METTL15: variants seen among roughly 807,000 people sequenced by gnomAD.
The protein encoded by METTL15 is 12S rRNA N(4)-cytidine methyltransferase METTL15.
METTL15 carries 34 observed loss-of-function variants against 38.3 expected under a neutral mutation model. That is an observed-to-expected ratio of 0.89 (90% CI 0.68 to 1.18). The LOEUF is 1.18. Among genes scored for constraint, METTL15 ranks in the 50% most tolerant of loss-of-function variants. METTL15 has a pLI of 0.00. For synonymous variants in METTL15, 162 were observed against 170.9 expected, an observed-to-expected ratio of 0.95 and a Z score of 0.41; for missense variants, 438 against 498.4, an observed-to-expected ratio of 0.88 and a Z score of 1.15.
intron 6 of METTL15, among the ~76,000 whole-genome samples, chr11:28,507,428 G>A (rs1376269084): frequency 6.6e-6 from 1 of 151,990 alleles, no homozygotes; most frequent in East Asian, 1.9e-4. Flanking sequence ...CCTCCCACCA[G>A]GCCCCTCCTC....
intron 5 of METTL15, among the ~76,000 whole-genome samples, chr11:28,292,886 G>T (rs1475748862): frequency 2.0e-5 from 3 of 152,236 alleles, no homozygotes; most frequent in South Asian, 4.2e-4. Context: ...CGTATCCTTT[G>T]CCCACTTGTT....
At chr11:28,503,994 A>G (rs1160765743) in intron 6 of METTL15, among the ~76,000 whole-genome samples, 1 of 150,954 alleles carries the variant, frequency 6.6e-6, no homozygotes, top group Non-Finnish European at 1.5e-5. Context: ...TCAGGAGTTC[A>G]AGACCAGCCT....
At chr11:28,248,972 T>G (rs10835297) in intron 4 of METTL15, among the ~76,000 whole-genome samples, 13,355 of 151,996 alleles carry the variant, frequency 0.088, 1,039 homozygotes, top group East Asian at 0.36. Context: ...TATTTCTCTC[T>G]TTTACTTTCT....
chr11:28,217,235 C>G (rs941930447), intron 4 of METTL15, among the ~76,000 whole-genome samples: 6 of 151,470 alleles, frequency 4.0e-5, no homozygotes, highest in African/African-American at 1.2e-4. Flanking sequence ...TGTTTCCTGA[C>G]TTTTTAATGA....
chr11:28,512,595 T>TGGGGCTGGC (rs1002919901), intron 6 of METTL15, among the ~76,000 whole-genome samples: 7 of 152,186 alleles, frequency 4.6e-5, no homozygotes, highest in Non-Finnish European at 1.0e-4. Flanking sequence ...CCTCATTGCC[T>TGGGGCTGGC]GGGGCTGGCA....
At chr11:28,301,330 A>G (rs182636849) in intron 6 of METTL15, among the ~76,000 whole-genome samples, 1 of 152,108 alleles carries the variant, frequency 6.6e-6, no homozygotes, top group Non-Finnish European at 1.5e-5. Flanking sequence ...TTTAGAGCTC[A>G]GTTGAAATGC....
intron 6 of METTL15, among the ~76,000 whole-genome samples, chr11:28,487,017 G>A (rs1052428499): frequency 1.3e-5 from 2 of 152,054 alleles, no homozygotes; most frequent in African/African-American, 4.8e-5. Context: ...AAAAAATACA[G>A]TGCCATTTTC....
intron 5 of METTL15, among the ~76,000 whole-genome samples, chr11:28,292,997 C>T (rs1288848410): frequency 1.3e-5 from 2 of 152,084 alleles, no homozygotes; most frequent in East Asian, 3.9e-4. Flanking sequence ...TTCTGCCATT[C>T]TGTAGGTTGC....
chr11:28,374,293 A>G (rs1449044264), intron 5 of METTL15, among the ~76,000 whole-genome samples: 3 of 152,178 alleles, frequency 2.0e-5, no homozygotes, highest in Non-Finnish European at 4.4e-5. Context: ...CTTCCTACCC[A>G]TGAGCATGGA....
chr11:28,315,652 C>T (rs962535708), intron 6 of METTL15, among the ~76,000 whole-genome samples: 6 of 152,344 alleles, frequency 3.9e-5, no homozygotes, highest in Middle Eastern at 6.8e-3. Context: ...TGTCAGAGGT[C>T]TTCACAGCAG....
At chr11:28,365,501 A>G (rs185027976) in intron 5 of METTL15, among the ~76,000 whole-genome samples, 155 of 152,156 alleles carry the variant, frequency 1.0e-3, no homozygotes, top group Middle Eastern at 3.4e-3. Context: ...TTGTATTTCT[A>G]TGGGATTGGC....
chr11:28,505,712 T>C (rs142740684), intron 6 of METTL15, among the ~76,000 whole-genome samples: 35 of 152,322 alleles, frequency 2.3e-4, no homozygotes, highest in African/African-American at 7.7e-4. Context: ...TGCTGGTACA[T>C]GTTGGATACT....
chr11:28,377,152 C>T (rs959670669), intron 5 of METTL15, among the ~76,000 whole-genome samples: 2 of 147,100 alleles, frequency 1.4e-5, no homozygotes, highest in Admixed American at 7.1e-5. Context: ...AGTTGCTCTT[C>T]TCAAGGAGTA....
intron 5 of METTL15, among the ~76,000 whole-genome samples, chr11:28,377,879 G>A (rs1944592413): frequency 1.3e-5 from 2 of 151,948 alleles, no homozygotes; most frequent in Non-Finnish European, 2.9e-5. Flanking sequence ...CTAACAGACA[G>A]GACCCTCAGC....
At chr11:28,419,764 C>T (rs1213111480) in intron 5 of METTL15, among the ~76,000 whole-genome samples, 1 of 152,064 alleles carries the variant, frequency 6.6e-6, no homozygotes, top group East Asian at 1.9e-4. Context: ...AAAGAAACCC[C>T]AGATAACACA....
At chr11:28,505,435 G>T (rs1330992573) in intron 6 of METTL15, among the ~76,000 whole-genome samples, 1 of 152,190 alleles carries the variant, frequency 6.6e-6, no homozygotes, top group Non-Finnish European at 1.5e-5. Context: ...TACCTGGAAT[G>T]TTCTTTCTGG....
chr11:28,396,273 G>A (rs146758261), intron 5 of METTL15, among the ~76,000 whole-genome samples: 2,211 of 152,148 alleles, frequency 0.015, 28 homozygotes, highest in African/African-American at 0.04. Context: ...GAAATAAAGC[G>A]TATTCAATTA....
In METTL15 at chr11:28,232,698, C is replaced by G. The variant is rs184382848; in HGVS notation, c.407+21500C>G. Among the ~76,000 whole-genome samples, 286 of 151,998 alleles carry G rather than the reference C, an allele frequency of 1.9e-3. 1 individual carries two copies. The highest frequency in any genetic ancestry group is 6.7e-3 in the African/African-American group (279 of 41,478). Reference sequence around the variant, plus strand: ...TAGGATTCTCTATACTAAAATTTTGCAATGATACTGGTTAATTGCTAGATT... The same window carrying G: ...TAGGATTCTCTATACTAAAATTTTGGAATGATACTGGTTAATTGCTAGATT... On this transcript the variant is annotated intron_variant, in intron 4 of 6. Coordinates refer to ENST00000407364, the MANE Select transcript of METTL15 (RefSeq NM_001113528.2).
intron 6 of METTL15, among the ~76,000 whole-genome samples, chr11:28,430,569 T>C (rs1238181692): frequency 3.8e-4 from 7 of 18,618 alleles, no homozygotes; most frequent in Non-Finnish European, 4.4e-4. Context: ...GCCCCCCGCC[T>C]GGCCAGCCGC....
Sources: allele counts gnomAD v4.1 joint callset (sites outside exome capture counted in the v4.1 genomes callset), GRCh38; gene constraint gnomAD v4.1.1; transcripts MANE v1.5; gene names NCBI Gene and HGNC (gene_info 2026-07-23, HGNC 2026-07-21).